The following TENM3 variants were observed in gnomAD, a reference collection of about 807,000 sequenced individuals.
TENM3 encodes the protein teneurin transmembrane protein 3, also known as teneurin-3.
A neutral mutation model predicts 255.1 loss-of-function variants in TENM3; 63 were observed. The observed-to-expected ratio is 0.25, with a 90% CI of 0.20 to 0.30. The LOEUF (loss-of-function observed/expected upper bound fraction) is 0.30, where lower values mean the gene tolerates loss of function less well. Ranked by LOEUF, TENM3 falls within the 10% of genes least tolerant of loss-of-function variation. The probability of loss-of-function intolerance (pLI) is 1.00; values close to 1 mark genes in which losing one functional copy is unlikely to be tolerated. For synonymous variants in TENM3, 1,306 were observed against 1,322.3 expected (o/e 0.99, Z 0.27); for missense variants, 2,929 against 3,461.1 (o/e 0.85, Z 3.86).
At chr4:182,505,223 A>G (rs1168727035) in intron 3 of TENM3, among the ~76,000 whole-genome samples, 22 of 152,104 alleles carry the variant, frequency 1.4e-4, no homozygotes, top group Non-Finnish European at 2.6e-4. Flanking sequence ...ATGAATGTCT[A>G]TATACCCTAG....
In TENM3 at chr4:182,773,627, C is replaced by A; in HGVS notation, c.5048C>A (p.Ser1683Tyr). 6.2e-7 allele frequency: 1 copy of A among 1,612,312 alleles called. No homozygotes were observed. Among genetic ancestry groups the A allele is most frequent in the Non-Finnish European group, 8.5e-7 (1 of 1,179,172 alleles). The change falls in exon 23 of 28, where the codon TCT becomes TAT. Residue 1683 changes from serine (S) to tyrosine (Y), a missense_variant. Around this residue, in one of 6 missense-constraint regions of TENM3, gnomAD observed 1,608 missense variants for 1,884.4 expected, o/e 0.85. Coordinates refer to ENST00000511685, the MANE Select transcript of TENM3 (RefSeq NM_001080477.4). The stretch of plus-strand genomic sequence containing the variant: ...ACTTCAAATCTGTCCTCGATCGATT[C>A]TTTCTACACCATGGTTCAAGGTAAA... ...SITSNLSSID[S>Y]FYTMVQDQLR...
At chr4:181,750,475 G>A in the TENM3 span, among the ~76,000 whole-genome samples, 2 of 152,086 alleles carry the variant, frequency 1.3e-5, no homozygotes, top group African/African-American at 4.8e-5. Context: ...GCTGAACTAG[G>A]CAGAGTTAAC....
chr4:181,702,872 C>T, the TENM3 span, among the ~76,000 whole-genome samples: 1 of 152,068 alleles, frequency 6.6e-6, no homozygotes, highest in South Asian at 2.1e-4. Context: ...GAGCATTTAG[C>T]ATCTAATGAA....
chr4:182,231,372 G>T (rs1756568480), intron 1 of TENM3, among the ~76,000 whole-genome samples: 1 of 152,024 alleles, frequency 6.6e-6, no homozygotes, highest in Admixed American at 6.6e-5. Flanking sequence ...ACAAAAAAAA[G>T]GAACGCGTAG....
chr4:182,570,668 AC>A (rs1744263468), intron 3 of TENM3, among the ~76,000 whole-genome samples: 1 of 152,088 alleles, frequency 6.6e-6, no homozygotes, highest in Non-Finnish European at 1.5e-5. Context: ...GCTCATCTCT[AC>A]TAAAAATACA....
the TENM3 span, among the ~76,000 whole-genome samples, chr4:182,036,645 C>T: frequency 1.3e-3 from 205 of 152,270 alleles, no homozygotes; most frequent in East Asian, 9.5e-3. Context: ...TGTGGCATTT[C>T]GATCATCTAG....
At chr4:182,118,626 C>T in the TENM3 span, among the ~76,000 whole-genome samples, 2 of 151,716 alleles carry the variant, frequency 1.3e-5, no homozygotes, top group Non-Finnish European at 2.9e-5. Flanking sequence ...GAATTGAGAA[C>T]ATATCTCACT....
the TENM3 span, among the ~76,000 whole-genome samples, chr4:182,122,904 A>G: frequency 7.9e-5 from 12 of 152,146 alleles, no homozygotes; most frequent in Admixed American, 7.9e-4. Flanking sequence ...GTCTTCATCA[A>G]TGACCTCAGC....
chr4:182,355,170 G>A (rs561087671), intron 3 of TENM3, among the ~76,000 whole-genome samples: 4 of 152,154 alleles, frequency 2.6e-5, no homozygotes, highest in South Asian at 2.1e-4. Flanking sequence ...AGGAAGCAGC[G>A]TTGGACCAGA....
At chr4:182,790,625 G>A (rs1258393905) in intron 25 of TENM3, among the ~76,000 whole-genome samples, 4 of 152,112 alleles carry the variant, frequency 2.6e-5, no homozygotes, top group Non-Finnish European at 4.4e-5. Context: ...TCACCTGTCC[G>A]CTCTCATCAG....
At chr4:182,405,804 T>C (rs1769529550) in intron 3 of TENM3, among the ~76,000 whole-genome samples, 1 of 152,144 alleles carries the variant, frequency 6.6e-6, no homozygotes, top group African/African-American at 2.4e-5. Context: ...GAAGGCATAT[T>C]TGCTTCAGGC....
chr4:181,458,852 G>A, the TENM3 span, among the ~76,000 whole-genome samples: 1,351 of 152,002 alleles, frequency 8.9e-3, 23 homozygotes, highest in African/African-American at 0.031. Context: ...GAATAAAGAC[G>A]CTATGAATAT....
At chr4:182,237,478 G>A (rs552092630) in intron 1 of TENM3, among the ~76,000 whole-genome samples, 4 of 151,468 alleles carry the variant, frequency 2.6e-5, no homozygotes, top group Admixed American at 1.3e-4. Context: ...CAGTTCTCCC[G>A]CTTCAGCCTC....
the TENM3 span, among the ~76,000 whole-genome samples, chr4:181,698,016 C>T: frequency 6.6e-5 from 10 of 151,906 alleles, no homozygotes; most frequent in African/African-American, 2.4e-4. Context: ...AGTTTGAGAC[C>T]GGCCTGGCCA....
the TENM3 span, among the ~76,000 whole-genome samples, chr4:181,704,869 C>T: frequency 6.6e-6 from 1 of 151,956 alleles, no homozygotes; most frequent in South Asian, 2.1e-4. Flanking sequence ...CCCGTCTCTA[C>T]TAAAAATACA....
the TENM3 span, among the ~76,000 whole-genome samples, chr4:181,961,763 T>C: frequency 1.3e-5 from 2 of 152,236 alleles, no homozygotes; most frequent in Non-Finnish European, 2.9e-5. Flanking sequence ...CTATAAAATC[T>C]ATTATTTTTG....
At chr4:181,968,976 C>T in the TENM3 span, among the ~76,000 whole-genome samples, 2 of 140,780 alleles carry the variant, frequency 1.4e-5, no homozygotes, top group Admixed American at 6.9e-5. Context: ...CTCTCTCTCT[C>T]TCTCTCTCTC....
At chr4:182,492,459 C>T (rs980536911) in intron 3 of TENM3, among the ~76,000 whole-genome samples, 3 of 152,074 alleles carry the variant, frequency 2.0e-5, no homozygotes, top group African/African-American at 4.8e-5. Flanking sequence ...TACATTTGCT[C>T]GAGGAGTTAC....
chr4:182,101,076 A>AAGGG, the TENM3 span, among the ~76,000 whole-genome samples: 1,572 of 10,582 alleles, frequency 0.15, 504 homozygotes, highest in Non-Finnish European at 0.35. Context: ...AAAAGAAAGG[A>AAGGG]AGGGAGGGAG....
Sources: gnomAD v4.1 joint callset for allele counts (sites outside exome capture counted in the v4.1 genomes callset) on GRCh38, gnomAD v4.1.1 for gene constraint, gnomAD v4.1.1 regional missense constraint, MANE v1.5 for transcripts, NCBI Gene and HGNC (gene_info 2026-07-23, HGNC 2026-07-21) for gene names.